The following POU6F2 variants were observed in gnomAD, a reference collection of about 807,000 sequenced individuals.
POU6F2 encodes the protein POU domain, class 6, transcription factor 2.
POU6F2 carries 31 observed loss-of-function variants against 71.3 expected under a neutral mutation model. The ratio of observed to expected loss-of-function variants is 0.43; its 90% CI spans 0.33 to 0.59. POU6F2 has a LOEUF of 0.59. POU6F2 is among the 20% of genes least tolerant of loss of function. The pLI, the probability that POU6F2 is intolerant of heterozygous loss-of-function variation, is 0.04. For synonymous variants in POU6F2, 347 were observed against 355.7 expected, an observed-to-expected ratio of 0.98 and a Z score of 0.27; for missense variants, 783 against 856.8, an observed-to-expected ratio of 0.91 and a Z score of 1.07.
intron 4 of POU6F2, among the ~76,000 whole-genome samples, chr7:39,288,147 T>C (rs1784685013): frequency 1.3e-5 from 2 of 152,244 alleles, no homozygotes; most frequent in Non-Finnish European, 2.9e-5. Context: ...TTTAATTGTT[T>C]AATCTTCTTT....
chr7:39,133,460 G>C (rs866696002), intron 2 of POU6F2, among the ~76,000 whole-genome samples: 52 of 152,236 alleles, frequency 3.4e-4, no homozygotes, highest in African/African-American at 1.2e-3. Flanking sequence ...CAAAAGTTGG[G>C]TCTCCTTCTT....
At chr7:39,310,782 T>G (rs899594817) in intron 4 of POU6F2, among the ~76,000 whole-genome samples, 7 of 152,172 alleles carry the variant, frequency 4.6e-5, no homozygotes, top group African/African-American at 1.7e-4. Context: ...CAGGGGAGGC[T>G]GCGACCCAGC....
intron 5 of POU6F2, among the ~76,000 whole-genome samples, chr7:39,382,023 T>C (rs559173820): frequency 1.4e-4 from 22 of 151,782 alleles, no homozygotes; most frequent in African/African-American, 5.3e-4. Flanking sequence ...TTTGTAGCAG[T>C]TGAGAATCAA....
intron 2 of POU6F2, among the ~76,000 whole-genome samples, chr7:39,134,119 T>G (rs997868022): frequency 1.3e-5 from 2 of 152,176 alleles, no homozygotes; most frequent in Non-Finnish European, 2.9e-5. Flanking sequence ...CCAGCAATCC[T>G]CCTGCCTTTG....
Position 39,114,804 on chromosome 7 carries a change from G to A in POU6F2, c.277+28773G>A, listed in dbSNP as rs1442022947. Among the ~76,000 whole-genome samples the A allele has an allele frequency of 4.6e-5, 7 of 152,104 alleles. No individual in the cohort carries two copies. The East Asian group carries it at 7.7e-4, about 17-fold the overall frequency. On this transcript the variant is annotated intron_variant, in intron 2 of 9. Transcript: ENST00000518318. Reference sequence around the variant, plus strand: ...CTGCTAATTGGAGAAATCATCACATGTATCTCAGCTGAAGGAGATTTTTAA... The same window carrying A: ...CTGCTAATTGGAGAAATCATCACATATATCTCAGCTGAAGGAGATTTTTAA...
chr7:39,361,854 G>T (rs1369908731), intron 5 of POU6F2, among the ~76,000 whole-genome samples: 3 of 152,158 alleles, frequency 2.0e-5, no homozygotes, highest in African/African-American at 7.2e-5. Flanking sequence ...TTGAGCTCGG[G>T]TGTTTGAGAG....
chr7:39,049,092 T>C (rs952497789), intron 1 of POU6F2, among the ~76,000 whole-genome samples: 1 of 152,036 alleles, frequency 6.6e-6, no homozygotes, highest in Non-Finnish European at 1.5e-5. Flanking sequence ...CTTTCTTTCT[T>C]TTTATTCTTA....
At chr7:39,384,177 A>G (rs1169938969) in intron 5 of POU6F2, among the ~76,000 whole-genome samples, 2 of 152,224 alleles carry the variant, frequency 1.3e-5, no homozygotes, top group African/African-American at 4.8e-5. Flanking sequence ...TTGTTCCACT[A>G]AAGTCTGGAG....
In POU6F2 at chr7:39,460,494, T is replaced by A. The variant is rs1186749997; in HGVS notation, c.1490-53T>A. ...TCTTATAAACCGTAATAAACAGATA[T>A]TGCTCGGCTGTGTGTTGACGTATTG... On this transcript the variant is annotated intron_variant, in intron 8 of 9. Coordinates refer to ENST00000518318, the MANE Select transcript of POU6F2 (RefSeq NM_001370959.1). This position sits in a 1 kb window ranked among gnomAD's most constrained non-coding sequence, Gnocchi z 4.4. 3 of 1,578,770 alleles carry A rather than the reference T, an allele frequency of 1.9e-6. No homozygotes were observed. The African/African-American group carries it at 4.0e-5, about 21-fold the overall frequency.
chr7:38,993,847 CAT>C (rs943148236), intron 1 of POU6F2, among the ~76,000 whole-genome samples: 1 of 152,096 alleles, frequency 6.6e-6, no homozygotes. Context: ...AAAGGAGTAA[CAT>C]GTTCTCAGGG....
intron 2 of POU6F2, among the ~76,000 whole-genome samples, chr7:39,166,803 T>C (rs2128737999): frequency 6.6e-6 from 1 of 152,276 alleles, no homozygotes; most frequent in South Asian, 2.1e-4. Context: ...AGAAAGCCTC[T>C]TTCCAAGCAG....
At chr7:39,294,195 A>C (rs1344334599) in intron 4 of POU6F2, among the ~76,000 whole-genome samples, 1 of 151,562 alleles carries the variant, frequency 6.6e-6, no homozygotes. Flanking sequence ...CCATGATGGC[A>C]ACAGCTGTCT....
chr7:39,422,404 T>A (rs1395545667), intron 6 of POU6F2, among the ~76,000 whole-genome samples: 2 of 152,228 alleles, frequency 1.3e-5, no homozygotes, highest in Non-Finnish European at 2.9e-5. Context: ...CACAGTGGCT[T>A]GAAGGAATTC....
intron 2 of POU6F2, among the ~76,000 whole-genome samples, chr7:39,099,989 A>G (rs1405292837): frequency 6.6e-6 from 1 of 152,212 alleles, no homozygotes; most frequent in African/African-American, 2.4e-5. Flanking sequence ...TTGCTCTGGA[A>G]GCAAGGGATT....
intron 4 of POU6F2, among the ~76,000 whole-genome samples, chr7:39,328,021 A>C (rs1785552149): frequency 6.6e-6 from 1 of 152,112 alleles, no homozygotes; most frequent in Admixed American, 6.5e-5. Flanking sequence ...CCCAGGTTCA[A>C]GCAATTCTCC....
intron 4 of POU6F2, among the ~76,000 whole-genome samples, chr7:39,236,259 C>T (rs1004823689): frequency 2.0e-5 from 3 of 152,070 alleles, no homozygotes; most frequent in Non-Finnish European, 4.4e-5. Context: ...TGGATGCATT[C>T]AAGGTTAAAC....
At chr7:39,431,864 G>C (rs1052429771) in intron 6 of POU6F2, among the ~76,000 whole-genome samples, 4 of 152,154 alleles carry the variant, frequency 2.6e-5, no homozygotes, top group African/African-American at 7.2e-5. Flanking sequence ...ACTGTGTCCT[G>C]GTGGCCCCCA....
intron 2 of POU6F2, among the ~76,000 whole-genome samples, chr7:39,122,835 G>A (rs1792071664): frequency 1.3e-5 from 2 of 151,576 alleles, no homozygotes; most frequent in Admixed American, 1.3e-4. Flanking sequence ...AGTCTCCCGA[G>A]TAGCTGAGAT....
intron 6 of POU6F2, among the ~76,000 whole-genome samples, chr7:39,408,100 G>A (rs1787479230): frequency 6.6e-6 from 1 of 152,218 alleles, no homozygotes; most frequent in South Asian, 2.1e-4. Context: ...GGGTATTGGT[G>A]TAGAGGAAAA....
Sources: gnomAD v4.1 joint callset for allele counts (sites outside exome capture counted in the v4.1 genomes callset) on GRCh38, gnomAD v4.1.1 for gene constraint, Gnocchi (gnomAD v3.1) non-coding constraint, MANE v1.5 for transcripts, NCBI Gene and HGNC (gene_info 2026-07-23, HGNC 2026-07-21) for gene names.